PCAT7: variants seen among roughly 807,000 people sequenced by gnomAD.
PCAT7 encodes the protein prostate cancer associated transcript 7.
chr9:94,561,589 T>G (rs577310417), intron 2 of PCAT7, among the ~76,000 whole-genome samples: 6 of 152,130 alleles, frequency 3.9e-5, no homozygotes, highest in Admixed American at 2.6e-4. Context: ...ATGGTCTCGA[T>G]CTTCTGACCT....
At chr9:94,573,207 AG>A (rs1827286452) in intron 3 of PCAT7, among the ~76,000 whole-genome samples, 1 of 152,180 alleles carries the variant, frequency 6.6e-6, no homozygotes, top group Non-Finnish European at 1.5e-5. Context: ...TGCTAGCTGT[AG>A]ATGTACTTGA....
chr9:94,562,107 C>T (rs184165606), intron 2 of PCAT7, among the ~76,000 whole-genome samples: 1,537 of 151,978 alleles, frequency 0.01, 11 homozygotes, highest in Non-Finnish European at 0.016. Flanking sequence ...GTCAGGAGAT[C>T]GAGACCATCC....
rs1028032862 is a variant in PCAT7, at chr9:94,561,423, C to T, written n.441+2271C>T. On this transcript the variant is annotated intron_variant and non_coding_transcript_variant, in intron 2 of 8. Transcript: ENST00000647389. ...TGTCACCCAGGCTGGAGTGCAGTGG[C>T]GCGATCTCGGCTCACTGCAAGCTCC... 7.8e-5 allele frequency among the ~76,000 whole-genome samples: 10 copies of T among 127,618 alleles called. No individual in the cohort carries two copies. In the East Asian group the frequency reaches 1.2e-3, roughly 15 times the overall value. The allele number at this position is 127,618 out of a possible 152,430, so 83.7% of individuals were successfully genotyped here. A position where few individuals can be genotyped will look rare whatever the true frequency, so the allele number is the denominator to read the frequency against.
intron 2 of PCAT7, among the ~76,000 whole-genome samples, chr9:94,562,107 C>A (rs184165606): frequency 9.9e-5 from 15 of 151,982 alleles, no homozygotes; most frequent in East Asian, 5.8e-4. Flanking sequence ...GTCAGGAGAT[C>A]GAGACCATCC....
intron 2 of PCAT7, chr9:94,559,290 C>T: frequency 1.6e-6 from 1 of 643,250 alleles, no homozygotes; most frequent in South Asian, 2.1e-5. Flanking sequence ...GCTTTAGAGC[C>T]TACAGCAGGC....
chr9:94,555,972 G>T (rs754928072), intron 1 of PCAT7, among the ~76,000 whole-genome samples: 45 of 149,704 alleles, frequency 3.0e-4, no homozygotes, highest in Non-Finnish European at 5.0e-4. Flanking sequence ...GGCAGACTTT[G>T]TGAAAAGATG....
At chr9:94,556,729 C>G (rs1307716420) in intron 1 of PCAT7, among the ~76,000 whole-genome samples, 1 of 152,094 alleles carries the variant, frequency 6.6e-6, no homozygotes, top group Non-Finnish European at 1.5e-5. Flanking sequence ...GTTGCTTGTG[C>G]TGTTGATGTC....
intron 2 of PCAT7, among the ~76,000 whole-genome samples, chr9:94,566,017 C>G (rs1827184091): frequency 6.6e-6 from 1 of 152,202 alleles, no homozygotes; most frequent in African/African-American, 2.4e-5. Context: ...AGAAAAAGCC[C>G]AGGAAAGTTC....
chr9:94,569,295 C>T (rs993027734), intron 2 of PCAT7: 11 of 152,410 alleles, frequency 7.2e-5, no homozygotes, highest in East Asian at 1.9e-4. Flanking sequence ...AGACCACTGC[C>T]GTGCTTCCTG....
chr9:94,563,555 C>A, intron 2 of PCAT7: 1 of 1,401,898 alleles, frequency 7.1e-7, no homozygotes, highest in Non-Finnish European at 9.8e-7. Flanking sequence ...GTGACCTCTG[C>A]CTTCTTGAAT....
In PCAT7 at chr9:94,564,927, A is replaced by G. The variant is rs142334273; in HGVS notation, n.441+5775A>G. Among the ~76,000 whole-genome samples, 590 of 152,298 alleles carry G rather than the reference A, an allele frequency of 3.9e-3. 4 individuals are homozygous for G. The highest frequency in any genetic ancestry group is 6.7e-3 in the Non-Finnish European group (458 of 68,018). On this transcript the variant is annotated intron_variant and non_coding_transcript_variant, in intron 2 of 8. Coordinates refer to ENST00000647389, the Ensembl canonical transcript of PCAT7. ...ATATGACATATTTTCAAAAAGCTAG[A>G]AGGAGGATATTGAATGTTCCCAACA...
intron 2 of PCAT7, chr9:94,567,290 G>A: frequency 6.2e-7 from 1 of 1,614,140 alleles, no homozygotes. Context: ...TTCTTTTTCT[G>A]CACATATTCA....
At chr9:94,559,654 G>A (rs771190313) in intron 2 of PCAT7, among the ~76,000 whole-genome samples, 4 of 152,050 alleles carry the variant, frequency 2.6e-5, no homozygotes, top group African/African-American at 4.8e-5. Context: ...CTAGTTTGCC[G>A]GTGTTTCAAT....
intron 2 of PCAT7, chr9:94,567,411 G>A: frequency 6.2e-7 from 1 of 1,613,702 alleles, no homozygotes; most frequent in Non-Finnish European, 8.5e-7. Flanking sequence ...CAAGAGCCTA[G>A]CAACATGAAG....
chr9:94,559,206 G>A, intron 2 of PCAT7: 3 of 1,392,414 alleles, frequency 2.2e-6, no homozygotes, highest in Non-Finnish European at 3.0e-6. Context: ...CTAAAGCTGG[G>A]GGAGGAGTTT....
intron 2 of PCAT7, among the ~76,000 whole-genome samples, chr9:94,566,444 A>G (rs899180670): frequency 3.3e-5 from 5 of 152,266 alleles, no homozygotes; most frequent in Middle Eastern, 3.2e-3. Flanking sequence ...AACCAGCCCA[A>G]CCTATTCCTT....
At chr9:94,562,148 A>G (rs898782614) in intron 2 of PCAT7, among the ~76,000 whole-genome samples, 7 of 151,890 alleles carry the variant, frequency 4.6e-5, no homozygotes, top group Admixed American at 4.6e-4. Flanking sequence ...CGTCTCTACT[A>G]AAAATACAAA....
chr9:94,568,222 A>G (rs1464499988), intron 2 of PCAT7: 1 of 152,160 alleles, frequency 6.6e-6, no homozygotes, highest in Non-Finnish European at 1.5e-5. Context: ...TCTTACCTGG[A>G]GAAAAGAGGA....
At chr9:94,566,672 C>T (rs924391801) in intron 2 of PCAT7, among the ~76,000 whole-genome samples, 1 of 152,144 alleles carries the variant, frequency 6.6e-6, no homozygotes, top group Non-Finnish European at 1.5e-5. Context: ...GTCTCCCCCA[C>T]CAAGCTGGTC....
Sources: allele counts gnomAD v4.1 joint callset (sites outside exome capture counted in the v4.1 genomes callset), GRCh38; gene constraint gnomAD v4.1.1; transcripts MANE v1.5; gene names NCBI Gene and HGNC (gene_info 2026-07-23, HGNC 2026-07-21).